Variants in HSPA12A observed in about 807,000 individuals in gnomAD.
HSPA12A encodes the protein heat shock protein family A (Hsp70) member 12A.
A neutral mutation model predicts 69.2 loss-of-function variants in HSPA12A; 28 were observed. The ratio of observed to expected loss-of-function variants is 0.40; its 90% CI spans 0.30 to 0.55. HSPA12A has a LOEUF of 0.55. Among genes scored for constraint, HSPA12A ranks in the 20% least tolerant of loss-of-function variants. The pLI is 0.38. For synonymous variants in HSPA12A, 345 were observed against 370.5 expected (o/e 0.93, Z 0.79); for missense variants, 686 against 900.7 (o/e 0.76, Z 3.05).
At chr10:116,717,081 T>C (rs1400405450) in intron 1 of HSPA12A, among the ~76,000 whole-genome samples, 2 of 152,182 alleles carry the variant, frequency 1.3e-5, no homozygotes, top group African/African-American at 4.8e-5. Flanking sequence ...GCTAAGAGCC[T>C]TACAGGTGTA....
intron 2 of HSPA12A, among the ~76,000 whole-genome samples, chr10:116,767,329 T>C (rs1346067434): frequency 1.3e-5 from 2 of 152,118 alleles, no homozygotes; most frequent in Non-Finnish European, 2.9e-5. Flanking sequence ...AGGCACTGTG[T>C]TCATCCCCCT....
intron 1 of HSPA12A, among the ~76,000 whole-genome samples, chr10:116,742,195 A>G (rs1851531148): frequency 6.6e-6 from 1 of 151,798 alleles, no homozygotes. Context: ...CCCGCCGCGG[A>G]GTCCGCACCC....
chr10:116,835,695 G>T (rs1409815679), intron 1 of HSPA12A, among the ~76,000 whole-genome samples: 3 of 152,186 alleles, frequency 2.0e-5, no homozygotes, highest in African/African-American at 4.8e-5. Flanking sequence ...ACGAACACTG[G>T]TGGGTACACA....
chr10:116,752,031 T>C (rs191911879), intron 2 of HSPA12A, among the ~76,000 whole-genome samples: 3 of 152,356 alleles, frequency 2.0e-5, no homozygotes, highest in Admixed American at 1.3e-4. Context: ...CTCAGCTATT[T>C]CTTTATAGCA....
chr10:116,725,670 G>T (rs542315956), intron 1 of HSPA12A, among the ~76,000 whole-genome samples: 1 of 152,118 alleles, frequency 6.6e-6, no homozygotes, highest in Non-Finnish European at 1.5e-5. Flanking sequence ...CAGAAGGGGC[G>T]CTATCTTGGG....
intron 2 of HSPA12A, among the ~76,000 whole-genome samples, chr10:116,813,161 A>G (rs1401371187): frequency 2.6e-5 from 4 of 151,984 alleles, no homozygotes; most frequent in Non-Finnish European, 5.9e-5. Context: ...GGTAAGCCAA[A>G]GGCAGGCAAG....
chr10:116,757,751 G>A (rs1445681522), intron 2 of HSPA12A, among the ~76,000 whole-genome samples: 1 of 152,176 alleles, frequency 6.6e-6, no homozygotes, highest in Non-Finnish European at 1.5e-5. Flanking sequence ...ATGTGATGAA[G>A]ATTAAACGAG....
intron 2 of HSPA12A, among the ~76,000 whole-genome samples, chr10:116,816,610 C>T (rs553739325): frequency 3.3e-5 from 5 of 152,328 alleles, no homozygotes; most frequent in Admixed American, 2.0e-4. Flanking sequence ...TAACCGGCGC[C>T]GTCCTGCTCA....
chr10:116,849,633 G>T, exon 1 of HSPA12A: 1 of 1,550,304 alleles, frequency 6.5e-7, no homozygotes, highest in Non-Finnish European at 8.7e-7. Context: ...GAAGCAGCAG[G>T]CGATGGAGTA....
chr10:116,795,932 G>A (rs1470715099), intron 2 of HSPA12A, among the ~76,000 whole-genome samples: 3 of 151,026 alleles, frequency 2.0e-5, no homozygotes, highest in Admixed American at 6.6e-5. Context: ...GGATCACAAG[G>A]TCAGGAGATC....
chr10:116,834,163 A>G (rs756787134), intron 2 of HSPA12A, among the ~76,000 whole-genome samples: 3 of 152,106 alleles, frequency 2.0e-5, no homozygotes, highest in Admixed American at 6.6e-5. Context: ...CAACCTTCCT[A>G]TTGGCTGCAA....
At chr10:116,849,774 C>A (rs578055420), upstream of HSPA12A, 3 of 1,465,976 alleles carry the variant, frequency 2.0e-6, no homozygotes, top group East Asian at 5.1e-5. Context: ...CAACCCCTCT[C>A]CCCCCGCCCC....
intron 1 of HSPA12A, among the ~76,000 whole-genome samples, chr10:116,716,096 G>A (rs1336778028): frequency 1.3e-5 from 2 of 151,716 alleles, no homozygotes; most frequent in African/African-American, 4.8e-5. Flanking sequence ...CTGGTCATCA[G>A]CTGACAGCTC....
At chr10:116,781,785 G>C (rs1214378151) in intron 2 of HSPA12A, among the ~76,000 whole-genome samples, 1 of 152,152 alleles carries the variant, frequency 6.6e-6, no homozygotes, top group Non-Finnish European at 1.5e-5. Flanking sequence ...TCTGAGGTTG[G>C]GTAGGGGGTG....
intron 2 of HSPA12A, among the ~76,000 whole-genome samples, chr10:116,706,540 C>A (rs1183319328): frequency 2.0e-5 from 3 of 152,166 alleles, no homozygotes; most frequent in African/African-American, 7.2e-5. Flanking sequence ...CCTGGGTCTT[C>A]TTTGTGCGTC....
chr10:116,696,002 C>CATAAAAAAA (rs1849887279), intron 5 of HSPA12A, among the ~76,000 whole-genome samples: 1 of 32,714 alleles, frequency 3.1e-5, no homozygotes, highest in Non-Finnish European at 5.0e-5. Context: ...GACTCCATCT[C>CATAAAAAAA]AAAAAAAAAA....
chr10:116,753,743 A>G (rs1242264677), intron 2 of HSPA12A, among the ~76,000 whole-genome samples: 1 of 152,334 alleles, frequency 6.6e-6, no homozygotes. Context: ...AAAAGAATTC[A>G]AGGAAATGGG....
chr10:116,817,172 T>C (rs900513504), intron 2 of HSPA12A, among the ~76,000 whole-genome samples: 1 of 152,086 alleles, frequency 6.6e-6, no homozygotes, highest in African/African-American at 2.4e-5. Context: ...GAGAAACCCA[T>C]TTGCTGTTTT....
chr10:116,730,987 G>A (rs1851134555), intron 1 of HSPA12A, among the ~76,000 whole-genome samples: 1 of 152,218 alleles, frequency 6.6e-6, no homozygotes, highest in Admixed American at 6.5e-5. Flanking sequence ...GAATCAGTGT[G>A]CTCCCAGGCG....
Sources: allele counts gnomAD v4.1 joint callset (sites outside exome capture counted in the v4.1 genomes callset), GRCh38; gene constraint gnomAD v4.1.1; transcripts MANE v1.5; gene names NCBI Gene and HGNC (gene_info 2026-07-23, HGNC 2026-07-21).